Variants in GPR158 observed in about 807,000 individuals in gnomAD.
The protein encoded by GPR158 is G protein-coupled receptor 158.
Under a neutral mutation model 78.2 loss-of-function variants are expected in GPR158, and 30 were observed. The ratio of observed to expected loss-of-function variants is 0.38; its 90% CI spans 0.29 to 0.52. The LOEUF (loss-of-function observed/expected upper bound fraction) is 0.52, where lower values mean the gene tolerates loss of function less well. Ranked by LOEUF, GPR158 falls within the 20% of genes least tolerant of loss-of-function variation. The pLI, the probability that GPR158 is intolerant of heterozygous loss-of-function variation, is 0.83. For missense variants in GPR158, 1,463 were observed against 1,523.5 expected (o/e 0.96, Z 0.66); for synonymous variants, 581 against 591.1 (o/e 0.98, Z 0.25).
intron 1 of GPR158, among the ~76,000 whole-genome samples, chr10:25,210,628 A>G (rs965613660): frequency 1.3e-5 from 2 of 152,158 alleles, no homozygotes; most frequent in Non-Finnish European, 2.9e-5. Flanking sequence ...GTGCTCAAGC[A>G]TTTCTTCATA....
chr10:25,338,525 AT>A (rs1428917701), intron 2 of GPR158, among the ~76,000 whole-genome samples: 8 of 103,802 alleles, frequency 7.7e-5, no homozygotes, highest in Non-Finnish European at 1.7e-4. Flanking sequence ...ATATACGTAT[AT>A]TACGTATATT....
At chr10:25,567,226 T>G (rs898313424) in intron 6 of GPR158, among the ~76,000 whole-genome samples, 1 of 152,188 alleles carries the variant, frequency 6.6e-6, no homozygotes, top group African/African-American at 2.4e-5. Flanking sequence ...AAGCCTTGCA[T>G]TCTGTCATCG....
rs1854145511 is a variant in GPR158, at chr10:25,273,596, T to A, written c.1008+52439T>A. On this transcript the variant is annotated intron_variant, in intron 2 of 10. Transcript: ENST00000376351. ...GGCAGTCTACTATGACTTTAACTTC[T>A]TAGGGAGAAAGCCTTTGTTTGCTTC... is the stretch of plus-strand genomic sequence containing the variant. Among the ~76,000 whole-genome samples, 3 of 152,178 alleles carry A rather than the reference T, an allele frequency of 2.0e-5. 1 individual carries two copies. In the South Asian group the frequency reaches 6.2e-4, roughly 31 times the overall value.
At chr10:25,522,383 T>A (rs1280909569) in intron 5 of GPR158, among the ~76,000 whole-genome samples, 2 of 152,164 alleles carry the variant, frequency 1.3e-5, no homozygotes, top group Non-Finnish European at 2.9e-5. Flanking sequence ...TCAAGGAAAT[T>A]GTAGGCTTAC....
chr10:25,323,093 C>T (rs1181208904), intron 2 of GPR158, among the ~76,000 whole-genome samples: 3 of 152,142 alleles, frequency 2.0e-5, no homozygotes, highest in Non-Finnish European at 4.4e-5. Context: ...GATCTGCCTG[C>T]CTCGTCCTCC....
intron 1 of GPR158, among the ~76,000 whole-genome samples, chr10:25,197,568 T>TA (rs1852859604): frequency 6.6e-6 from 1 of 152,178 alleles, no homozygotes; most frequent in South Asian, 2.1e-4. Flanking sequence ...AAAATTAAAG[T>TA]AAAATCTTAA....
intron 3 of GPR158, among the ~76,000 whole-genome samples, chr10:25,399,251 A>C (rs373838995): frequency 1.3e-5 from 2 of 152,288 alleles, no homozygotes; most frequent in East Asian, 3.9e-4. Context: ...TCATGATTTA[A>C]TTATCTCCAC....
chr10:25,428,954 G>C lies in GPR158; in HGVS notation c.1335+16481G>C, dbSNP rs370038961. ...TTCCAAATTATCTTCTTCGGAGCCTGTGAAATATGCGTAGGGCCATCTTTA... is the reference window on the plus strand; with the variant it reads ...TTCCAAATTATCTTCTTCGGAGCCTCTGAAATATGCGTAGGGCCATCTTTA... On this transcript the variant is annotated intron_variant, in intron 4 of 10. Transcript: ENST00000376351. Among the ~76,000 whole-genome samples the C allele has an allele frequency of 7.9e-5, 12 of 152,152 alleles. No homozygotes were observed. In the South Asian group the frequency reaches 2.3e-3, roughly 29 times the overall value.
At chr10:25,420,252 C>A (rs997274398) in intron 4 of GPR158, among the ~76,000 whole-genome samples, 1 of 152,120 alleles carries the variant, frequency 6.6e-6, no homozygotes, top group Non-Finnish European at 1.5e-5. Context: ...GGGGCTCAAG[C>A]AACCCTCCCA....
intron 1 of GPR158, among the ~76,000 whole-genome samples, chr10:25,198,151 A>G (rs1222152890): frequency 6.6e-6 from 1 of 152,216 alleles, no homozygotes; most frequent in African/African-American, 2.4e-5. Context: ...CAAGAATTGT[A>G]TTTGTGGGTA....
chr10:25,253,335 TC>T (rs1447250128), intron 2 of GPR158, among the ~76,000 whole-genome samples: 1 of 152,028 alleles, frequency 6.6e-6, no homozygotes, highest in African/African-American at 2.4e-5. Flanking sequence ...TCTTGGCACC[TC>T]CCCCCAATTT....
intron 1 of GPR158, among the ~76,000 whole-genome samples, chr10:25,183,156 C>G (rs1273552277): frequency 6.6e-6 from 1 of 152,078 alleles, no homozygotes; most frequent in East Asian, 1.9e-4. Flanking sequence ...TGTGCAATTA[C>G]TCTCCTGAGT....
intron 2 of GPR158, among the ~76,000 whole-genome samples, chr10:25,331,289 T>C (rs746505424): frequency 2.6e-5 from 4 of 152,210 alleles, no homozygotes; most frequent in Non-Finnish European, 5.9e-5. Context: ...ATCTACTGAG[T>C]AGAATACTGC....
chr10:25,333,273 A>G (rs1331303646), intron 2 of GPR158, among the ~76,000 whole-genome samples: 1 of 152,164 alleles, frequency 6.6e-6, no homozygotes, highest in East Asian at 1.9e-4. Flanking sequence ...CACATTAGAA[A>G]TTTTTACCTA....
chr10:25,443,325 C>T (rs936500998), intron 4 of GPR158, among the ~76,000 whole-genome samples: 6 of 151,980 alleles, frequency 3.9e-5, no homozygotes, highest in Admixed American at 1.3e-4. Context: ...GAGGCCGAGG[C>T]GGACGGATCA....
Position 25,599,295 on chromosome 10 carries a change from A to G in GPR158, c.*21A>G. The G allele has an allele frequency of 6.5e-7, 1 of 1,546,828 alleles. No homozygotes were observed. The highest frequency in any genetic ancestry group is 8.8e-7 in the Non-Finnish European group (1 of 1,132,590). Reference sequence around the variant, plus strand: ...TGTAGCATCTCCAGGAAGAAGAGGAAAAGGAGGGAACCCCGGATTGGATAT... The same window carrying G: ...TGTAGCATCTCCAGGAAGAAGAGGAGAAGGAGGGAACCCCGGATTGGATAT... On this transcript the variant is annotated 3_prime_UTR_variant, in exon 11 of 11. Transcript: ENST00000376351.
chr10:25,449,667 C>A (rs1182455027), intron 4 of GPR158, among the ~76,000 whole-genome samples: 1 of 152,040 alleles, frequency 6.6e-6, no homozygotes, highest in Non-Finnish European at 1.5e-5. Flanking sequence ...GCTGTTGTAC[C>A]AAATAGTGAC....
chr10:25,241,300 T>C (rs1181575600), intron 2 of GPR158, among the ~76,000 whole-genome samples: 24 of 134,448 alleles, frequency 1.8e-4, no homozygotes, highest in African/African-American at 7.2e-4. Context: ...TTTTCTTTTC[T>C]TTTCTTTTCT....
chr10:25,489,704 T>G lies in GPR158; in HGVS notation c.1404+22985T>G, dbSNP rs184522348. Among the ~76,000 whole-genome samples the G allele has an allele frequency of 2.0e-3, 308 of 152,242 alleles. 1 individual carries two copies. The highest frequency in any genetic ancestry group is 3.7e-3 in the Non-Finnish European group (249 of 68,010). On this transcript the variant is annotated intron_variant, in intron 5 of 10. Transcript: ENST00000376351. ...TGCTGCCTTCCCTTCAGTCGCCTCC[T>G]TCATGTGTTCCCACTGCAAATCTGT...
Sources: gnomAD v4.1 joint callset for allele counts (sites outside exome capture counted in the v4.1 genomes callset) on GRCh38, gnomAD v4.1.1 for gene constraint, MANE v1.5 for transcripts, NCBI Gene and HGNC (gene_info 2026-07-23, HGNC 2026-07-21) for gene names.